FAM219A: variants seen among roughly 807,000 people sequenced by gnomAD.
FAM219A encodes family with sequence similarity 219 member A.
A neutral mutation model predicts 23.4 loss-of-function variants in FAM219A; 7 were observed. The ratio of observed to expected loss-of-function variants is 0.30; its 90% CI spans 0.17 to 0.56. The LOEUF is 0.56. FAM219A is among the 20% of genes least tolerant of loss of function. FAM219A has a pLI of 0.92. For missense variants in FAM219A, 166 were observed against 246.9 expected (o/e 0.67, Z 2.20); for synonymous variants, 93 against 99.0 (o/e 0.94, Z 0.36).
intron 1 of FAM219A, among the ~76,000 whole-genome samples, chr9:34,448,953 AT>A (rs1823463058): frequency 6.6e-6 from 1 of 151,156 alleles, no homozygotes; most frequent in Admixed American, 6.6e-5. Context: ...CAAAGAACTT[AT>A]CCACATAACC....
rs1463991942 is a variant in FAM219A at position 34,457,126 on chromosome 9, A to G, written c.60+1078T>C. 6.6e-6 allele frequency among the ~76,000 whole-genome samples: 1 copy of G among 152,156 alleles called. No homozygotes were observed. Among genetic ancestry groups the G allele is most frequent in the Non-Finnish European group, 1.5e-5 (1 of 68,016 alleles). ...CAGCTCAGAGAAATGGGGCATCCACACTTTCGGATTTGTAGCCCACCTTGC... is the reference window on the plus strand; with the variant it reads ...CAGCTCAGAGAAATGGGGCATCCACGCTTTCGGATTTGTAGCCCACCTTGC... On this transcript the variant is annotated intron_variant, in intron 1 of 5. Coordinates refer to ENST00000651358, the MANE Select transcript of FAM219A (RefSeq NM_001184940.2). The surrounding 1 kb of genome is among the most constrained non-coding windows in gnomAD (Gnocchi z 5.1).
rs192835661 is a variant in FAM219A at position 34,421,566 on chromosome 9, G to A, written c.61-15602C>T. On this transcript the variant is annotated intron_variant, in intron 1 of 5. Coordinates refer to ENST00000651358, the MANE Select transcript of FAM219A (RefSeq NM_001184940.2). ...CATCAATAGGAAGGGGTACCACCTC[G>A]TACTCCAGGCATCAATAGGAAAGGC... 2.0e-4 allele frequency among the ~76,000 whole-genome samples: 31 copies of A among 151,996 alleles called. No homozygotes were observed. In the East Asian group the frequency reaches 5.2e-3, roughly 26 times the overall value.
chr9:34,431,135 C>CTGG (rs1171023693), intron 1 of FAM219A, among the ~76,000 whole-genome samples: 2 of 152,220 alleles, frequency 1.3e-5, no homozygotes, highest in Non-Finnish European at 2.9e-5. Flanking sequence ...TGGCTGCAGC[C>CTGG]TGGGCTTCAT....
chr9:34,401,566 C>T, intron 5 of FAM219A, 100 bp downstream of exon 5: 1 of 1,384,806 alleles, frequency 7.2e-7, no homozygotes, highest in Non-Finnish European at 1.0e-6. Context: ...CCTTGCCCAG[C>T]CCTCTTTTTC....
chr9:34,458,371 C>A lies in FAM219A; in HGVS notation c.-108G>T. Reference sequence around the variant, plus strand: ...CGGCGGGTGGTGCAGACTAGGCCTCCCCGGACCACTCGGGCGGGCAGGGGC... The same window carrying A: ...CGGCGGGTGGTGCAGACTAGGCCTCACCGGACCACTCGGGCGGGCAGGGGC... On this transcript the variant is annotated 5_prime_UTR_variant, in exon 1 of 6. Coordinates refer to ENST00000651358, the MANE Select transcript of FAM219A (RefSeq NM_001184940.2). This position sits in a 1 kb window ranked among gnomAD's most constrained non-coding sequence, Gnocchi z 6.6. 3 of 753,122 alleles carry A rather than the reference C, an allele frequency of 4.0e-6. No individual in the cohort carries two copies. Among genetic ancestry groups the A allele is most frequent in the Non-Finnish European group, 5.3e-6 (3 of 566,244 alleles). The allele number at this position is 753,122 out of a possible 1,614,324, so 46.7% of individuals were successfully genotyped here. A position where few individuals can be genotyped will look rare whatever the true frequency, so the allele number is the denominator to read the frequency against.
In FAM219A at chr9:34,400,436, G is replaced by A. The variant is rs1002713942; in HGVS notation, c.*528C>T. On this transcript the variant is annotated 3_prime_UTR_variant, in exon 6 of 6. Transcript: ENST00000651358. The stretch of plus-strand genomic sequence containing the variant: ...TTGCCAGGCTTCCCATCTGAGGAGG[G>A]GGAAATGCAAATAGAAACATGGGCC... 1.3e-5 allele frequency: 2 copies of A among 152,808 alleles called. No individual in the cohort carries two copies. Among genetic ancestry groups the A allele is most frequent in the Non-Finnish European group, 2.9e-5 (2 of 68,400 alleles). The allele number at this position is 152,808 out of a possible 1,614,324, so 9.5% of individuals were successfully genotyped here.
chr9:34,407,613 G>A (rs1271459434), intron 1 of FAM219A, among the ~76,000 whole-genome samples: 1 of 152,228 alleles, frequency 6.6e-6, no homozygotes, highest in African/African-American at 2.4e-5. Context: ...TGGGCTTGGA[G>A]TTAAAGACAG....
At chr9:34,429,402 A>T (rs1822608205) in intron 1 of FAM219A, among the ~76,000 whole-genome samples, 1 of 152,216 alleles carries the variant, frequency 6.6e-6, no homozygotes, top group African/African-American at 2.4e-5. Context: ...ATCCAGGCAG[A>T]CTTACCCTCC....
At chr9:34,446,818 C>T (rs897349147) in intron 1 of FAM219A, among the ~76,000 whole-genome samples, 1 of 152,210 alleles carries the variant, frequency 6.6e-6, no homozygotes, top group Non-Finnish European at 1.5e-5. Context: ...TCTAGTCACC[C>T]AATCTCTTGA....
chr9:34,404,236 G>C (rs1383004022), intron 2 of FAM219A, among the ~76,000 whole-genome samples: 2 of 152,196 alleles, frequency 1.3e-5, no homozygotes, highest in Non-Finnish European at 2.9e-5. Flanking sequence ...CAAGATTTAG[G>C]TGGTGGAAGA....
chr9:34,405,170 T>A (rs1821589245), intron 2 of FAM219A, among the ~76,000 whole-genome samples: 1 of 152,154 alleles, frequency 6.6e-6, no homozygotes, highest in Non-Finnish European at 1.5e-5. Context: ...ACAGCAGCCA[T>A]GAGACAGTGA....
In FAM219A at chr9:34,429,783, T is replaced by C. The variant is rs900992435; in HGVS notation, c.61-23819A>G. On this transcript the variant is annotated intron_variant, in intron 1 of 5. Transcript: ENST00000651358. ...CATATTTAAATTAAGTATATTCCTA[T>C]TGGTAGGCCGAAAGTCCAGTGATGG... Among the ~76,000 whole-genome samples, 37 of 152,208 alleles carry C rather than the reference T, an allele frequency of 2.4e-4. 1 individual carries two copies. The highest frequency in any genetic ancestry group is 5.9e-4 in the Admixed American group (9 of 15,288).
Position 34,400,816 on chromosome 9 carries a change from T to C in FAM219A, c.*148A>G, listed in dbSNP as rs781107277. On this transcript the variant is annotated 3_prime_UTR_variant, in exon 6 of 6. Transcript: ENST00000651358. ...ACACACAGAGGTACACGTCCTACCA[T>C]AGGAGGAAGCAATGACTGTTATACG... 2.2e-5 allele frequency: 17 copies of C among 764,134 alleles called. No homozygotes were observed. The highest frequency in any genetic ancestry group is 3.1e-5 in the Non-Finnish European group (16 of 510,204). The allele number at this position is 764,134 out of a possible 1,614,324, so 47.3% of individuals were successfully genotyped here.
chr9:34,426,819 G>A (rs532547444), intron 1 of FAM219A, among the ~76,000 whole-genome samples: 1 of 152,144 alleles, frequency 6.6e-6, no homozygotes, highest in Non-Finnish European at 1.5e-5. Flanking sequence ...CTCTGAACTG[G>A]GCTGCCAGGT....
chr9:34,454,209 G>A (rs1040400096), intron 1 of FAM219A, among the ~76,000 whole-genome samples: 5 of 152,192 alleles, frequency 3.3e-5, no homozygotes, highest in Non-Finnish European at 7.3e-5. Flanking sequence ...AGGCCAAAGC[G>A]GGCAGATCAT....
At chr9:34,440,918 G>A (rs968386986) in intron 1 of FAM219A, among the ~76,000 whole-genome samples, 1 of 152,024 alleles carries the variant, frequency 6.6e-6, no homozygotes, top group Admixed American at 6.6e-5. Flanking sequence ...GAGTGCAGTG[G>A]CTATTCACAG....
At position 34,455,069 on chromosome 9, in the gene FAM219A, T is replaced by G. The variant is rs186775130; in HGVS notation, c.60+3135A>C. 2.1e-3 allele frequency among the ~76,000 whole-genome samples: 321 copies of G among 152,304 alleles called. 2 individuals are homozygous for G. The highest frequency in any genetic ancestry group is 7.0e-3 in the African/African-American group (290 of 41,562). The stretch of plus-strand genomic sequence containing the variant: ...GCAAGAGAAACAAACTTTGACACAC[T>G]GTGGGCTCAAGGGCAGGGTCACATC... On this transcript the variant is annotated intron_variant, in intron 1 of 5. Transcript: ENST00000651358.
intron 1 of FAM219A, among the ~76,000 whole-genome samples, chr9:34,442,193 T>C (rs189117710): frequency 7.5e-4 from 114 of 152,318 alleles, no homozygotes; most frequent in African/African-American, 2.5e-3. Context: ...TGATCAAACC[T>C]TGAGATCTAA....
At chr9:34,406,004 G>C in intron 1 of FAM219A, 40 bp from the exon 2 acceptor site, 4 of 1,557,044 alleles carry the variant, frequency 2.6e-6, no homozygotes, top group Non-Finnish European at 3.5e-6. Flanking sequence ...TTGTTAGGGA[G>C]TGAAGACAGG....
Sources: gnomAD v4.1 joint callset for allele counts (sites outside exome capture counted in the v4.1 genomes callset) on GRCh38, gnomAD v4.1.1 for gene constraint, Gnocchi (gnomAD v3.1) non-coding constraint, MANE v1.5 for transcripts, NCBI Gene and HGNC (gene_info 2026-07-23, HGNC 2026-07-21) for gene names.